Variants in CD46 observed in about 807,000 individuals in gnomAD.
The protein encoded by CD46 is CD46 molecule.
CD46 carries 30 observed loss-of-function variants against 53.3 expected under a neutral mutation model. The observed-to-expected ratio is 0.56, with a 90% CI of 0.42 to 0.76. The LOEUF (loss-of-function observed/expected upper bound fraction) is 0.76. Ranked by LOEUF, CD46 falls within the 30% of genes least tolerant of loss-of-function variation. CD46 has a pLI of 0.00. For missense variants in CD46, 409 were observed against 463.0 expected, an observed-to-expected ratio of 0.88 and a Z score of 1.07; for synonymous variants, 142 against 152.0, an observed-to-expected ratio of 0.93 and a Z score of 0.48.
intron 5 of CD46, among the ~76,000 whole-genome samples, chr1:207,761,809 A>G (rs1263725790): frequency 1.3e-5 from 2 of 152,152 alleles, no homozygotes; most frequent in African/African-American, 2.4e-5. Context: ...GTAAACTGTG[A>G]CAGACTAATC....
Position 207,783,288 on chromosome 1 carries a change from C to T in CD46, c.944-4C>T. The T allele has an allele frequency of 6.9e-7, 1 of 1,454,430 alleles. No homozygotes were observed. Among genetic ancestry groups the T allele is most frequent in the Non-Finnish European group, 9.6e-7 (1 of 1,040,386 alleles). The allele number at this position is 1,454,430 out of a possible 1,614,324, so 90.1% of individuals were successfully genotyped here. On this transcript the variant is annotated splice_region_variant and splice_polypyrimidine_tract_variant and intron_variant, in intron 8 of 12. Transcript: ENST00000367042. ...TTTAATCTATATTTCTTCTTTTTTC[C>T]TAGGATATCCTAAACCTGAGGAAGG... is the stretch of plus-strand genomic sequence containing the variant.
chr1:207,752,347 A>G lies in CD46; in HGVS notation c.97+38A>G, dbSNP rs1655015912. 2.5e-6 allele frequency: 4 copies of G among 1,577,238 alleles called. No individual in the cohort carries two copies. The highest frequency in any genetic ancestry group is 2.2e-5 in the East Asian group (1 of 44,702). ...GGCGGGTTCGCGCGTCCGCGGCGAG[A>G]CTAGAGCTCTCCTCAGTCGGGCAAG... On this transcript the variant is annotated intron_variant, in intron 1 of 12. Transcript: ENST00000367042. The surrounding 1 kb of genome is among the most constrained non-coding windows in gnomAD (Gnocchi z 4.1).
chr1:207,755,680 G>A (rs1052059202), intron 1 of CD46, among the ~76,000 whole-genome samples: 4 of 152,214 alleles, frequency 2.6e-5, no homozygotes, highest in Non-Finnish European at 5.9e-5. Context: ...TTACACAGTA[G>A]CGTCTCAGTT....
chr1:207,770,378 A>G lies in CD46; in HGVS notation c.943+16A>G, dbSNP rs1188443634. On this transcript the variant is annotated intron_variant, in intron 8 of 12. Transcript: ENST00000367042. ...AATTATCCAGGTTGGTTAACTCTTT[A>G]TCCTACTGATATTGTTAAGAATTTA... 2 of 1,517,496 alleles carry G rather than the reference A, an allele frequency of 1.3e-6. No individual in the cohort carries two copies. The highest frequency in any genetic ancestry group is 4.5e-5 in the East Asian group (2 of 44,338). The allele number at this position is 1,517,496 out of a possible 1,614,324, so 94.0% of individuals were successfully genotyped here.
At chr1:207,780,541 C>T (rs147457043) in intron 8 of CD46, among the ~76,000 whole-genome samples, 85 of 152,024 alleles carry the variant, frequency 5.6e-4, no homozygotes, top group African/African-American at 2.0e-3. Flanking sequence ...TTTGAGTTCC[C>T]GTATTCAGTT....
intron 7 of CD46, chr1:207,768,563 A>C (rs1657111634): frequency 6.6e-6 from 1 of 152,170 alleles, no homozygotes; most frequent in African/African-American, 2.4e-5. Context: ...TTTATCTGGC[A>C]ATAGCAACTC....
intron 5 of CD46, among the ~76,000 whole-genome samples, chr1:207,764,179 C>T (rs1054391486): frequency 2.1e-4 from 32 of 152,176 alleles, no homozygotes; most frequent in African/African-American, 7.2e-4. Flanking sequence ...TCAGGTTCCA[C>T]AGCACAGGCA....
intron 5 of CD46, among the ~76,000 whole-genome samples, chr1:207,764,895 A>C (rs981861442): frequency 6.6e-6 from 1 of 152,212 alleles, no homozygotes; most frequent in Admixed American, 6.5e-5. Flanking sequence ...GCAATTCTAC[A>C]CAAGCGTTTC....
intron 11 of CD46, among the ~76,000 whole-genome samples, 193 bp from the exon 12 acceptor site, chr1:207,790,060 T>C (rs1571701670): frequency 1.3e-5 from 2 of 152,184 alleles, no homozygotes; most frequent in African/African-American, 2.4e-5. Flanking sequence ...GACTTCAAAG[T>C]TCAAGTAGCT....
chr1:207,767,681 T>C (rs1657020219), intron 6 of CD46, 98 bp from the exon 7 acceptor site: 7 of 1,604,204 alleles, frequency 4.4e-6, no homozygotes, highest in Non-Finnish European at 6.0e-6. Flanking sequence ...ATATGTCTTC[T>C]TCCTTATATG....
rs1571702985 is a variant in CD46, at chr1:207,790,430, A to G, written c.*41+85A>G. On this transcript the variant is annotated intron_variant, in intron 12 of 12. Coordinates refer to ENST00000367042, the MANE Select transcript of CD46 (RefSeq NM_172351.3). ...TATATAGATATCAATAACCTGAGCAAAGAGATATTGGCAGTAAATATCAAA... is the reference window on the plus strand; with the variant it reads ...TATATAGATATCAATAACCTGAGCAGAGAGATATTGGCAGTAAATATCAAA... 4 of 715,770 alleles carry G rather than the reference A, an allele frequency of 5.6e-6. No individual in the cohort carries two copies. The East Asian group carries it at 1.1e-4, about 19-fold the overall frequency. 44.3% of individuals were successfully genotyped at this position (715,770 alleles called of 1,614,324 possible). A position where few individuals can be genotyped will look rare whatever the true frequency, so the allele number is the denominator to read the frequency against.
intron 8 of CD46, among the ~76,000 whole-genome samples, chr1:207,776,328 C>A (rs566828681): frequency 1.3e-5 from 2 of 152,188 alleles, no homozygotes; most frequent in South Asian, 4.1e-4. Flanking sequence ...CTTGCGCTTC[C>A]GGGTGAGGCG....
At chr1:207,755,001 G>T (rs1655375720) in intron 1 of CD46, among the ~76,000 whole-genome samples, 1 of 151,292 alleles carries the variant, frequency 6.6e-6, no homozygotes, top group Non-Finnish European at 1.5e-5. Context: ...CATGCCTGTG[G>T]TCCTAGCTAC....
chr1:207,778,887 T>C (rs1359403138), intron 8 of CD46, among the ~76,000 whole-genome samples: 1 of 152,232 alleles, frequency 6.6e-6, no homozygotes, highest in Non-Finnish European at 1.5e-5. Flanking sequence ...GTATAGCCAT[T>C]TTAATGATAT....
chr1:207,782,618 G>A (rs115906510), intron 8 of CD46, among the ~76,000 whole-genome samples: 6,401 of 141,724 alleles, frequency 0.045, 190 homozygotes, highest in Non-Finnish European at 0.071. Context: ...CAACTCTAAA[G>A]CATTTATTTT....
chr1:207,767,541 C>T, intron 6 of CD46: 1 of 1,245,156 alleles, frequency 8.0e-7, no homozygotes, highest in Non-Finnish European at 1.2e-6. Context: ...TGGCATAATT[C>T]ATATAAATGA....
chr1:207,768,520 T>A (rs889752590), intron 7 of CD46: 6 of 152,130 alleles, frequency 3.9e-5, no homozygotes, highest in African/African-American at 1.4e-4. Context: ...CACCTCATAA[T>A]GTTATTTATT....
At chr1:207,767,344 T>A in intron 6 of CD46, 149 bp downstream of exon 6, 1 of 789,340 alleles carries the variant, frequency 1.3e-6, no homozygotes, top group Non-Finnish European at 2.1e-6. Context: ...TTCATTTCTA[T>A]GCCAGATGAA....
In CD46 at chr1:207,752,747, C is replaced by G. The variant is rs1228443650; in HGVS notation, c.97+438C>G. On this transcript the variant is annotated intron_variant, in intron 1 of 12. Coordinates refer to ENST00000367042, the MANE Select transcript of CD46 (RefSeq NM_172351.3). The surrounding 1 kb of genome is among the most constrained non-coding windows in gnomAD (Gnocchi z 4.1). Reference sequence around the variant, plus strand: ...TTGGTGAGTGGGGTGTTCATTAGGGCTTGGACAGTACCCGCGGTAAGGGTT... The same window carrying G: ...TTGGTGAGTGGGGTGTTCATTAGGGGTTGGACAGTACCCGCGGTAAGGGTT... 6.6e-6 allele frequency among the ~76,000 whole-genome samples: 1 copy of G among 152,068 alleles called. No individual in the cohort carries two copies. The highest frequency in any genetic ancestry group is 1.5e-5 in the Non-Finnish European group (1 of 68,020).
Sources: allele counts gnomAD v4.1 joint callset (sites outside exome capture counted in the v4.1 genomes callset), GRCh38; gene constraint gnomAD v4.1.1; non-coding constraint Gnocchi (gnomAD v3.1); transcripts MANE v1.5; gene names NCBI Gene and HGNC (gene_info 2026-07-23, HGNC 2026-07-21).